Variants in IMMT observed in about 807,000 individuals in gnomAD.
The protein encoded by IMMT is MICOS complex subunit MIC60.
Under a neutral mutation model 92.7 loss-of-function variants are expected in IMMT, and 40 were observed. The ratio of observed to expected loss-of-function variants is 0.43; its 90% CI spans 0.34 to 0.56. The LOEUF is 0.56. Among genes scored for constraint, IMMT ranks in the 20% least tolerant of loss-of-function variants. The probability of loss-of-function intolerance (pLI) is 0.03; values close to 1 mark genes in which losing one functional copy is unlikely to be tolerated. For synonymous variants in IMMT, 322 were observed against 336.1 expected, an observed-to-expected ratio of 0.96 and a Z score of 0.46; for missense variants, 831 against 912.1, an observed-to-expected ratio of 0.91 and a Z score of 1.14.
chr2:86,166,075 T>A (rs1676652288), intron 7 of IMMT, among the ~76,000 whole-genome samples: 1 of 152,258 alleles, frequency 6.6e-6, no homozygotes. Context: ...CTCACGCCTG[T>A]AATCCCAACA....
Position 86,166,372 on chromosome 2 carries a change from C to T in IMMT, c.792+136G>A, listed in dbSNP as rs1215786413. ...AAGATTAATTATTCCAGACTATCTT[C>T]CCCTAGTGAGAGAAAGCCGATATCA... is the stretch of plus-strand genomic sequence containing the variant. On this transcript the variant is annotated intron_variant, in intron 7 of 14. Transcript: ENST00000410111. 5.7e-6 allele frequency: 4 copies of T among 701,602 alleles called. No individual in the cohort carries two copies. In the Admixed American group the frequency reaches 1.2e-4, roughly 20 times the overall value. 43.5% of individuals were successfully genotyped at this position (701,602 alleles called of 1,614,324 possible). A position where few individuals can be genotyped will look rare whatever the true frequency, so the allele number is the denominator to read the frequency against.
At chr2:86,147,036 T>C (rs1200660249) in intron 13 of IMMT, among the ~76,000 whole-genome samples, 1 of 152,186 alleles carries the variant, frequency 6.6e-6, no homozygotes, top group Non-Finnish European at 1.5e-5. Context: ...GCTGGGATTA[T>C]AGGTGTTAGC....
intron 10 of IMMT, among the ~76,000 whole-genome samples, chr2:86,154,510 T>C (rs941024784): frequency 2.6e-5 from 4 of 152,302 alleles, no homozygotes; most frequent in Admixed American, 2.6e-4. Flanking sequence ...TTTTCTTTTA[T>C]CCCTCGCATT....
At chr2:86,193,369 T>G (rs924933125) in intron 1 of IMMT, among the ~76,000 whole-genome samples, 44 of 147,146 alleles carry the variant, frequency 3.0e-4, no homozygotes, top group African/African-American at 1.1e-3. Flanking sequence ...ACTGTGCCAC[T>G]GCACTCCAGC....
chr2:86,144,743 G>C lies in IMMT; in HGVS notation c.1802C>G (p.Ala601Gly), dbSNP rs373430585. 1 of 1,613,852 alleles carries C rather than the reference G, an allele frequency of 6.2e-7. No individual in the cohort carries two copies. Among genetic ancestry groups the C allele is most frequent in the Non-Finnish European group, 8.5e-7 (1 of 1,179,880 alleles). Residue 601 changes from alanine (A) to glycine (G), a missense_variant, in exon 15 of 15, where the codon GCC becomes GGC. Coordinates refer to ENST00000410111, the MANE Select transcript of IMMT (RefSeq NM_006839.3). ...GGTGAATTCATTATCAGAACAGTTG[G>C]CTTTGATGGCCTCAACTGCACTACC... ...PLGSAVEAIK[A>G]NCSDNEFTQA...
In IMMT at chr2:86,169,211, G is replaced by A. The variant is rs1374906573; in HGVS notation, c.655+1538C>T. ...GGAACAGCAGACATCTCCATCTTAC[G>A]TTTATAACTTAATTTCAAGGTGCCC... is the stretch of plus-strand genomic sequence containing the variant. On this transcript the variant is annotated intron_variant, in intron 6 of 14. Transcript: ENST00000410111. Among the ~76,000 whole-genome samples the A allele has an allele frequency of 3.9e-5, 6 of 152,084 alleles. No individual in the cohort carries two copies. The East Asian group carries it at 5.8e-4, about 15-fold the overall frequency.
chr2:86,169,318 CTTAG>C (rs948966518), intron 6 of IMMT, among the ~76,000 whole-genome samples: 6 of 152,142 alleles, frequency 3.9e-5, no homozygotes, highest in Non-Finnish European at 7.3e-5. Context: ...AAATATTTCA[CTTAG>C]TTAGAAGTCA....
chr2:86,147,782 G>A lies in IMMT; in HGVS notation c.1453C>T (p.Arg485Ter), dbSNP rs1481985567. 1.2e-6 allele frequency: 2 copies of A among 1,613,786 alleles called. No individual in the cohort carries two copies. The highest frequency in any genetic ancestry group is 1.7e-6 in the Non-Finnish European group (2 of 1,179,760). The stretch of plus-strand genomic sequence containing the variant: ...TGATCAGTGTGGGCAGCTGCCTGTC[G>A]GCGAAGCTGGGTTCTCATTTCATTT... ...MENEMRTQLR[R>*]QAAAHTDHLR... is the part of the protein sequence containing the mutation. The change falls in exon 13 of 15, where the codon CGA becomes TGA. Residue 485 changes from arginine to a stop codon, truncating the protein, a stop_gained. Transcript: ENST00000410111. LOFTEE classifies it high-confidence loss of function.
chr2:86,169,397 T>C (rs2105182590), intron 6 of IMMT, among the ~76,000 whole-genome samples: 1 of 151,966 alleles, frequency 6.6e-6, no homozygotes, highest in South Asian at 2.1e-4. Flanking sequence ...AAAACGAAAA[T>C]CCAAATCCAA....
At chr2:86,171,468 A>G (rs1295870587) in intron 4 of IMMT, 123 bp from the exon 5 acceptor site, 5 of 844,790 alleles carry the variant, frequency 5.9e-6, no homozygotes, top group Non-Finnish European at 9.8e-6. Context: ...AAATATTTGT[A>G]CTGCCACATG....
intron 13 of IMMT, among the ~76,000 whole-genome samples, chr2:86,146,869 T>C (rs1675057552): frequency 6.6e-6 from 1 of 152,182 alleles, no homozygotes; most frequent in South Asian, 2.1e-4. Context: ...CAAACGATTC[T>C]CATGCCTCAG....
intron 6 of IMMT, 117 bp downstream of exon 6, chr2:86,170,632 C>T (rs750973293): frequency 2.0e-5 from 13 of 657,486 alleles, no homozygotes; most frequent in Admixed American, 5.5e-5. Context: ...AAAAAACAAC[C>T]GCAGCAACAA....
intron 4 of IMMT, chr2:86,171,585 C>T (rs555331269): frequency 4.5e-6 from 2 of 448,084 alleles, no homozygotes; most frequent in African/African-American, 3.9e-5. Context: ...CTGCATCCAC[C>T]TGCATTTTAA....
chr2:86,191,071 C>T (rs111362151), intron 1 of IMMT, among the ~76,000 whole-genome samples: 1,737 of 152,054 alleles, frequency 0.011, 33 homozygotes, highest in African/African-American at 0.039. Context: ...AGTGGCCAGG[C>T]ATGGTGGCTC....
intron 14 of IMMT, 145 bp downstream of exon 14, chr2:86,145,923 T>G (rs1180279911): frequency 1.7e-6 from 1 of 583,806 alleles, no homozygotes; most frequent in Admixed American, 3.7e-5. Flanking sequence ...GCCATTACTT[T>G]TAATGGCAAA....
chr2:86,152,967 T>G (rs1675585258), intron 11 of IMMT, among the ~76,000 whole-genome samples: 1 of 152,174 alleles, frequency 6.6e-6, no homozygotes, highest in Admixed American at 6.6e-5. Flanking sequence ...CTATGGGTTA[T>G]CGATTCAAAT....
Position 86,144,688 on chromosome 2 carries a change from C to T in IMMT, c.1857G>A (p.Glu619=), listed in dbSNP as rs757933614. Residue 619 remains glutamate (E), a synonymous_variant, in exon 15 of 15, where the codon GAG becomes GAA. Transcript: ENST00000410111. ...CACTGTACACCCCACGGGTCAGGGA[C>T]TCTGGAGGGATAGCTGCGGTTAAAG... The part of the protein sequence containing the change: ...TQALTAAIPP[E]SLTRGVYSEE... The T allele has an allele frequency of 5.6e-6, 9 of 1,613,872 alleles. No homozygotes were observed. The highest frequency in any genetic ancestry group is 6.8e-6 in the Non-Finnish European group (8 of 1,179,900).
intron 10 of IMMT, among the ~76,000 whole-genome samples, chr2:86,155,348 C>T (rs547415533): frequency 2.1e-5 from 3 of 140,714 alleles, no homozygotes; most frequent in Admixed American, 7.5e-5. Flanking sequence ...AAGGGAGTCC[C>T]GTGCTGCTGA....
chr2:86,159,314 G>T, intron 9 of IMMT: 2 of 582,778 alleles, frequency 3.4e-6, no homozygotes, highest in Non-Finnish European at 6.2e-6. Context: ...CAAACTCCTG[G>T]GCTCAAGTTA....
Sources: gnomAD v4.1 joint callset for allele counts (sites outside exome capture counted in the v4.1 genomes callset) on GRCh38, gnomAD v4.1.1 for gene constraint, MANE v1.5 for transcripts, NCBI Gene and HGNC (gene_info 2026-07-23, HGNC 2026-07-21) for gene names.